POLR2M: variants seen among roughly 807,000 people sequenced by gnomAD.
The protein encoded by POLR2M is protein GRINL1A.
Under a neutral mutation model 34.6 loss-of-function variants are expected in POLR2M, and 30 were observed. The ratio of observed to expected loss-of-function variants is 0.87; its 90% CI spans 0.65 to 1.18. The LOEUF (loss-of-function observed/expected upper bound fraction) is 1.18. Among genes scored for constraint, POLR2M ranks in the 50% most tolerant of loss-of-function variants. The pLI, the probability that POLR2M is intolerant of heterozygous loss-of-function variation, is 0.00. For missense variants in POLR2M, 432 were observed against 448.7 expected (o/e 0.96, Z 0.34); for synonymous variants, 150 against 166.7 (o/e 0.90, Z 0.77).
chr15:57,712,181 A>G lies in POLR2M; in HGVS notation c.956A>G (p.Asn319Ser). Residue 319 changes from asparagine (N) to serine (S), a missense_variant, in exon 3 of 4, where the codon AAT (asparagine) becomes AGT (serine). Transcript: ENST00000299638. ...SLALQKQQKQ[N>S]YEEMQAKLAA... The stretch of plus-strand genomic sequence containing the variant: ...GCACTTCAGAAACAGCAGAAACAGA[A>G]TTATGAGGTATTTAGAGTATTTTTT... 6.2e-7 allele frequency: 1 copy of G among 1,614,120 alleles called. No individual in the cohort carries two copies. The highest frequency in any genetic ancestry group is 8.5e-7 in the Non-Finnish European group (1 of 1,180,024).
chr15:57,707,318 A>G, intron 1 of POLR2M: 1 of 731,502 alleles, frequency 1.4e-6, no homozygotes, highest in South Asian at 1.6e-5. Flanking sequence ...TCATCTCTGG[A>G]TTCTAAGCTT....
intron 3 of POLR2M, 26 bp downstream of exon 3, chr15:57,712,214 C>A (rs1567269025): frequency 6.2e-7 from 1 of 1,612,348 alleles, no homozygotes; most frequent in Non-Finnish European, 8.5e-7. Context: ...TTTTTCTTGT[C>A]TGTTTGTTGG....
In POLR2M at chr15:57,711,942, T is replaced by C. The variant is rs781087033; in HGVS notation, c.759-42T>C. On this transcript the variant is annotated intron_variant, in intron 2 of 3. Transcript: ENST00000299638. ...TGAATGTTTTAAATGTGTCTACAAATAAAATAATCTGATTGTATAACACAA... is the reference window on the plus strand; with the variant it reads ...TGAATGTTTTAAATGTGTCTACAAACAAAATAATCTGATTGTATAACACAA... 1.9e-5 allele frequency: 31 copies of C among 1,608,056 alleles called. No homozygotes were observed. In the South Asian group the frequency reaches 3.1e-4, roughly 16 times the overall value.
At chr15:57,711,956 T>G (rs1321340711) in intron 2 of POLR2M, 28 bp from the exon 3 acceptor site, 1 of 1,612,386 alleles carries the variant, frequency 6.2e-7, no homozygotes, top group East Asian at 2.2e-5. Flanking sequence ...ATAATCTGAT[T>G]GTATAACACA....
At position 57,706,908 on chromosome 15, in the gene POLR2M, G is replaced by A. The variant is rs2040503690; in HGVS notation, c.66G>A (p.Val22=). The part of the protein sequence containing the change: ...APEDLAQRSL[V]ELREMLKRQE... ...AGGACTTGGCGCAGCGGAGTTTGGT[G>A]GAGCTGCGGGAAATGTTGAAGCGCC... The change falls in exon 1 of 4, where the codon GTG becomes GTA. Residue 22 remains valine, a synonymous_variant. Transcript: ENST00000299638. 6 of 1,602,040 alleles carry A rather than the reference G, an allele frequency of 3.7e-6. No individual in the cohort carries two copies. In the East Asian group the frequency reaches 6.8e-5, roughly 18 times the overall value.
intron 1 of POLR2M, 64 bp from the exon 2 acceptor site, chr15:57,708,650 T>C: frequency 1.4e-6 from 2 of 1,421,006 alleles, no homozygotes; most frequent in East Asian, 4.7e-5. Flanking sequence ...CCTTGCCTTT[T>C]TAATGTTATA....
At chr15:57,710,548 A>AAAT (rs1454847625) in intron 2 of POLR2M, among the ~76,000 whole-genome samples, 1 of 152,256 alleles carries the variant, frequency 6.6e-6, no homozygotes, top group African/African-American at 2.4e-5. Flanking sequence ...ATACTACATT[A>AAAT]ACGTGATCAA....
chr15:57,709,534 A>T (rs1401581413), intron 2 of POLR2M, among the ~76,000 whole-genome samples, 176 bp downstream of exon 2: 1 of 152,074 alleles, frequency 6.6e-6, no homozygotes, highest in Non-Finnish European at 1.5e-5. Context: ...ATATAATAAG[A>T]CCTTTTCTCT....
chr15:57,706,981 C>A (rs1435748900), intron 1 of POLR2M, 26 bp downstream of exon 1: 4 of 1,563,686 alleles, frequency 2.6e-6, no homozygotes, highest in South Asian at 1.2e-5. Flanking sequence ...GCGGAGTCTC[C>A]GCCAGGCTCC....
rs1242246296 is a variant in POLR2M, at chr15:57,708,848, A to T, written c.248A>T (p.Lys83Met). ...ELFNPVSLDC[K>M]LRQKAIAEVD... ...TTTAACCCTGTTAGTTTAGACTGTA[A>T]GCTAAGGCAAAAAGCAATTGCAGAA... is the stretch of plus-strand genomic sequence containing the variant. The change falls in exon 2 of 4, where the codon AAG (lysine) becomes ATG (methionine). Residue 83 changes from lysine (K) to methionine (M), a missense_variant. Lys to Met is a moderately conservative substitution (Grantham distance 95). Coordinates refer to ENST00000299638, the MANE Select transcript of POLR2M (RefSeq NM_015532.5). 1 of 1,614,034 alleles carries T rather than the reference A, an allele frequency of 6.2e-7. No homozygotes were observed. Among genetic ancestry groups the T allele is most frequent in the Non-Finnish European group, 8.5e-7 (1 of 1,179,880 alleles).
intron 3 of POLR2M, among the ~76,000 whole-genome samples, chr15:57,714,011 C>G (rs1439068247): frequency 2.0e-5 from 3 of 151,508 alleles, no homozygotes; most frequent in African/African-American, 7.3e-5. Context: ...CCACGCCCGG[C>G]TAATTTTTTG....
In POLR2M at chr15:57,717,435, CTA is replaced by C. The variant is rs2040990855; in HGVS notation, c.*2758_*2759del. The C allele has an allele frequency of 6.6e-6, 1 of 152,222 alleles. No individual in the cohort carries two copies. Among genetic ancestry groups the C allele is most frequent in the Admixed American group, 6.5e-5 (1 of 15,280 alleles). 9.4% of individuals were successfully genotyped at this position (152,222 alleles called of 1,614,324 possible). A position where few individuals can be genotyped will look rare whatever the true frequency, so the allele number is the denominator to read the frequency against. ...CACTCACTGTTTCCCCCAGAGCTAA[CTA>C]TCCTGACGTATGGTAATTCTCCCTC... On this transcript the variant is annotated 3_prime_UTR_variant, in exon 4 of 4. Transcript: ENST00000299638.
intron 1 of POLR2M, chr15:57,707,166 C>T (rs1027784635): frequency 6.7e-7 from 1 of 1,498,746 alleles, no homozygotes; most frequent in Non-Finnish European, 8.9e-7. Context: ...GAGGATAGCT[C>T]GGATTGAACG....
intron 2 of POLR2M, 123 bp from the exon 3 acceptor site, chr15:57,711,861 A>ATTT: frequency 8.5e-7 from 1 of 1,175,366 alleles, no homozygotes; most frequent in Non-Finnish European, 1.2e-6. Context: ...ATACTGGTAA[A>ATTT]TTACTTACTG....
intron 2 of POLR2M, among the ~76,000 whole-genome samples, chr15:57,710,851 G>T (rs1039945694): frequency 5.3e-5 from 8 of 152,156 alleles, no homozygotes; most frequent in Non-Finnish European, 8.8e-5. Context: ...AGGGTTCCGT[G>T]TGAGAGGTGG....
chr15:57,707,668 C>A, intron 1 of POLR2M: 1 of 375,746 alleles, frequency 2.7e-6, no homozygotes, highest in African/African-American at 2.1e-5. Flanking sequence ...ATATGGAAGA[C>A]CACTAGCAAA....
chr15:57,711,856 G>T (rs760524113), intron 2 of POLR2M, 128 bp from the exon 3 acceptor site: 175 of 1,119,188 alleles, frequency 1.6e-4, no homozygotes, highest in Non-Finnish European at 2.2e-4. Flanking sequence ...AATGAATACT[G>T]GTAAATTACT....
intron 3 of POLR2M, among the ~76,000 whole-genome samples, chr15:57,714,219 C>T (rs2040854775): frequency 6.6e-6 from 1 of 152,198 alleles, no homozygotes; most frequent in African/African-American, 2.4e-5. Flanking sequence ...CATGTGCCCC[C>T]ATATTTAACG....
intron 1 of POLR2M, chr15:57,707,690 T>C: frequency 2.7e-6 from 1 of 368,518 alleles, no homozygotes; most frequent in Admixed American, 3.4e-5. Flanking sequence ...ATAGGAAAAT[T>C]CAGGGAGAGG....
Sources: gnomAD v4.1 joint callset for allele counts (sites outside exome capture counted in the v4.1 genomes callset) on GRCh38, gnomAD v4.1.1 for gene constraint, MANE v1.5 for transcripts, NCBI Gene and HGNC (gene_info 2026-07-23, HGNC 2026-07-21) for gene names.